The following GRIA1 variants were observed in gnomAD, a reference collection of about 807,000 sequenced individuals.
GRIA1 encodes glutamate ionotropic receptor AMPA type subunit 1, also known as glutamate receptor 1.
In GRIA1, 31 loss-of-function variants were observed where a neutral mutation model predicts 99.2. The observed-to-expected ratio is 0.31, with a 90% CI of 0.23 to 0.42. GRIA1 has a LOEUF of 0.42. Ranked by LOEUF, GRIA1 falls within the 10% of genes least tolerant of loss-of-function variation. GRIA1 has a pLI of 1.00. For missense variants in GRIA1, 782 were observed against 1,157.5 expected, an observed-to-expected ratio of 0.68 and a Z score of 4.71; for synonymous variants, 438 against 432.4, an observed-to-expected ratio of 1.01 and a Z score of -0.16.
rs148296498 is a variant in GRIA1, at chr5:153,496,535, C to T, written c.220+2470C>T. On this transcript the variant is annotated intron_variant, in intron 2 of 15. Coordinates refer to ENST00000285900, the MANE Select transcript of GRIA1 (RefSeq NM_000827.4). ...GACTTTGTGTTTCTTTTCTTTAGCT[C>T]CCAGATCCCAAAGGGGGTACTGGGC... is the stretch of plus-strand genomic sequence containing the variant. 5.6e-3 allele frequency among the ~76,000 whole-genome samples: 854 copies of T among 152,268 alleles called. 12 individuals are homozygous for T. Among genetic ancestry groups the T allele is most frequent in the African/African-American group, 0.02 (814 of 41,548 alleles).
chr5:153,750,097 G>A (rs540045203), intron 11 of GRIA1, among the ~76,000 whole-genome samples: 1 of 152,214 alleles, frequency 6.6e-6, no homozygotes, highest in Non-Finnish European at 1.5e-5. Flanking sequence ...ATTTGCAGCT[G>A]GTGACAAATG....
At chr5:153,671,252 G>A (rs1756149445) in intron 5 of GRIA1, among the ~76,000 whole-genome samples, 1 of 152,198 alleles carries the variant, frequency 6.6e-6, no homozygotes, top group East Asian at 1.9e-4. Flanking sequence ...CATTATGTCT[G>A]AGATGGAAGC....
intron 2 of GRIA1, among the ~76,000 whole-genome samples, chr5:153,584,618 A>G (rs1167391490): frequency 1.3e-5 from 2 of 152,212 alleles, no homozygotes; most frequent in Non-Finnish European, 2.9e-5. Flanking sequence ...GAAGACATCA[A>G]TATTTATGGC....
At chr5:153,785,656 T>G (rs1323877327) in intron 13 of GRIA1, among the ~76,000 whole-genome samples, 1 of 152,220 alleles carries the variant, frequency 6.6e-6, no homozygotes. Context: ...CTTTTCCCAT[T>G]GATGAGTGAA....
upstream of GRIA1, chr5:153,490,618 G>A (rs1041693847): frequency 1.9e-6 from 1 of 514,882 alleles, no homozygotes; most frequent in Non-Finnish European, 3.5e-6. Flanking sequence ...GAGAGGGAGT[G>A]GGGGAGCCAG....
At chr5:153,594,621 C>G (rs921113690) in intron 2 of GRIA1, among the ~76,000 whole-genome samples, 1 of 152,006 alleles carries the variant, frequency 6.6e-6, no homozygotes, top group African/African-American at 2.4e-5. Context: ...TTTAATTTCT[C>G]CCTCTCCCTC....
chr5:153,748,153 A>T (rs543278975), intron 11 of GRIA1, among the ~76,000 whole-genome samples: 16 of 152,360 alleles, frequency 1.1e-4, no homozygotes, highest in Non-Finnish European at 1.9e-4. Flanking sequence ...TTATATAAAG[A>T]TCACATATAC....
intron 11 of GRIA1, among the ~76,000 whole-genome samples, chr5:153,746,064 C>G (rs1339994476): frequency 2.0e-5 from 3 of 152,304 alleles, no homozygotes; most frequent in African/African-American, 7.2e-5. Flanking sequence ...TGTGAAATGA[C>G]TTGCCCAAAA....
Position 153,802,448 on chromosome 5 carries a change from C to G in GRIA1, c.2478C>G (p.Ile826Met). ...GLGLAMLVALIEFCYKSRSES... is the reference protein window; with the variant it reads ...GLGLAMLVALMEFCYKSRSES... The stretch of plus-strand genomic sequence containing the variant: ...GACTAGCCATGCTGGTTGCCTTAAT[C>G]GAGTTCTGCTACAAATCCCGTAGTG... The change falls in exon 15 of 16, where the codon ATC becomes ATG. Residue 826 changes from isoleucine to methionine, a missense_variant. Ile to Met is a conservative substitution (Grantham distance 10). Coordinates refer to ENST00000285900, the MANE Select transcript of GRIA1 (RefSeq NM_000827.4). 1.9e-6 allele frequency: 3 copies of G among 1,613,902 alleles called. No individual in the cohort carries two copies. The highest frequency in any genetic ancestry group is 1.7e-6 in the Non-Finnish European group (2 of 1,179,922).
intron 2 of GRIA1, among the ~76,000 whole-genome samples, chr5:153,531,343 C>G (rs4958659): frequency 0.64 from 97,507 of 151,478 alleles, 31,722 homozygotes; most frequent in East Asian, 0.83. Flanking sequence ...TCTTCTCTTT[C>G]AGCCCTCTAC....
At chr5:153,697,261 A>G (rs1173651872) in intron 8 of GRIA1, among the ~76,000 whole-genome samples, 1 of 152,146 alleles carries the variant, frequency 6.6e-6, no homozygotes, top group Non-Finnish European at 1.5e-5. Context: ...ATGTCTTCCC[A>G]TGGTAGACCA....
chr5:153,592,502 G>A (rs1209399601), intron 2 of GRIA1, among the ~76,000 whole-genome samples: 1 of 152,174 alleles, frequency 6.6e-6, no homozygotes, highest in Non-Finnish European at 1.5e-5. Context: ...CTAGTTGGTA[G>A]GACAAGGACA....
intron 2 of GRIA1, among the ~76,000 whole-genome samples, chr5:153,633,886 C>T (rs1215039498): frequency 6.6e-6 from 1 of 151,978 alleles, no homozygotes; most frequent in Non-Finnish European, 1.5e-5. Context: ...GATGCTAGGA[C>T]AATAGTGATA....
chr5:153,662,404 G>T (rs1381252034), intron 5 of GRIA1, among the ~76,000 whole-genome samples: 1 of 152,188 alleles, frequency 6.6e-6, no homozygotes, highest in African/African-American at 2.4e-5. Context: ...GAATGCCAGA[G>T]AAAAATCACA....
intron 2 of GRIA1, among the ~76,000 whole-genome samples, chr5:153,560,735 A>T (rs1455341048): frequency 6.6e-6 from 1 of 152,200 alleles, no homozygotes; most frequent in Non-Finnish European, 1.5e-5. Flanking sequence ...GCATGACAAC[A>T]GACTAGTCTA....
chr5:153,760,381 T>G (rs933220989), intron 11 of GRIA1, among the ~76,000 whole-genome samples: 6 of 152,028 alleles, frequency 3.9e-5, no homozygotes, highest in Non-Finnish European at 7.4e-5. Context: ...ATTTTTATAG[T>G]CTAACAGAAA....
At chr5:153,513,247 G>C in intron 2 of GRIA1, among the ~76,000 whole-genome samples, 1 of 152,060 alleles carries the variant, frequency 6.6e-6, no homozygotes, top group Non-Finnish European at 1.5e-5. Flanking sequence ...GTGAATTTGG[G>C]AACCAGAGGG....
intron 2 of GRIA1, among the ~76,000 whole-genome samples, chr5:153,549,521 G>A (rs1303246739): frequency 6.6e-6 from 1 of 152,254 alleles, no homozygotes. Flanking sequence ...ACTTGAGAAA[G>A]TTCAGGGTGA....
At chr5:153,678,976 T>A (rs1295612907) in intron 7 of GRIA1, among the ~76,000 whole-genome samples, 2 of 148,264 alleles carry the variant, frequency 1.3e-5, no homozygotes, top group African/African-American at 5.3e-5. Context: ...AACAGTCTAA[T>A]TTTTTTTCTT....
Sources: gnomAD v4.1 joint callset for allele counts (sites outside exome capture counted in the v4.1 genomes callset) on GRCh38, gnomAD v4.1.1 for gene constraint, MANE v1.5 for transcripts, NCBI Gene and HGNC (gene_info 2026-07-23, HGNC 2026-07-21) for gene names.